TASOR2: variants seen among roughly 807,000 people sequenced by gnomAD.
TASOR2 encodes transcription activation suppressor family member 2, also known as protein TASOR 2.
In TASOR2, 84 loss-of-function variants were observed where a neutral mutation model predicts 199.5. That is an observed-to-expected ratio of 0.42 (90% CI 0.35 to 0.50). TASOR2 has a LOEUF of 0.50. TASOR2 is among the 20% of genes least tolerant of loss of function. The probability of loss-of-function intolerance (pLI) is 0.02; values close to 1 mark genes in which losing one functional copy is unlikely to be tolerated. For synonymous variants in TASOR2, 1,103 were observed against 1,046.6 expected, an observed-to-expected ratio of 1.05 and a Z score of -1.04; for missense variants, 2,796 against 2,835.9, an observed-to-expected ratio of 0.99 and a Z score of 0.32.
exon 19 of TASOR2, chr10:5,761,392 A>G (rs1376862677): frequency 2.5e-6 from 4 of 1,614,028 alleles, no homozygotes; most frequent in South Asian, 2.2e-5. Flanking sequence ...CTCGATCATC[A>G]ACAAAAGCAG....
chr10:5,720,679 A>T lies in TASOR2; in HGVS notation c.26+11A>T. The T allele has an allele frequency of 6.2e-7, 1 of 1,614,028 alleles. No individual in the cohort carries two copies. ...AGCTCATAAAAGCATGTAAGTAATT[A>T]TGTGCATGCTTTGTTTTACTGAATT... On this transcript the variant is annotated intron_variant, in intron 4 of 20. Transcript: ENST00000328090. This position sits in a 1 kb window ranked among gnomAD's most constrained non-coding sequence, Gnocchi z 5.3.
chr10:5,709,637 T>TCGAGA, intron 1 of TASOR2: 2 of 1,231,166 alleles, frequency 1.6e-6, no homozygotes, highest in Non-Finnish European at 2.0e-6. Context: ...TTAGAGAAGA[T>TCGAGA]CGAGACAGGG....
At chr10:5,695,621 T>C (rs1837059229) in intron 1 of TASOR2, among the ~76,000 whole-genome samples, 1 of 152,156 alleles carries the variant, frequency 6.6e-6, no homozygotes, top group South Asian at 2.1e-4. Flanking sequence ...TCTAACATGT[T>C]CAATTGTATA....
At chr10:5,731,226 G>A in intron 11 of TASOR2, 23 bp downstream of exon 12, 3 of 1,585,628 alleles carry the variant, frequency 1.9e-6, no homozygotes, top group South Asian at 1.1e-5. Context: ...TATTTATGTG[G>A]GTTATTATAA....
intron 10 of TASOR2, among the ~76,000 whole-genome samples, chr10:5,728,003 CT>C (rs1834274243): frequency 6.6e-6 from 1 of 151,970 alleles, no homozygotes; most frequent in Admixed American, 6.6e-5. Flanking sequence ...AGGTAGATTT[CT>C]TGAGTTCAGG....
chr10:5,723,374 T>C (rs921138573), intron 6 of TASOR2, among the ~76,000 whole-genome samples: 1 of 151,926 alleles, frequency 6.6e-6, no homozygotes, highest in Non-Finnish European at 1.5e-5. Context: ...ATAAATAGCA[T>C]AATTTTTTTT....
At chr10:5,712,393 GT>G (rs1318807956) in intron 1 of TASOR2, 2 of 1,231,358 alleles carry the variant, frequency 1.6e-6, no homozygotes, top group African/African-American at 3.1e-5. Flanking sequence ...GTGTTTTACA[GT>G]TTTTGAGACA....
In TASOR2 at chr10:5,759,173, T is replaced by A. The variant is rs76602369; in HGVS notation, c.6992+181T>A. Among the ~76,000 whole-genome samples the A allele has an allele frequency of 0.029, 4,418 of 152,268 alleles. 160 individuals carry two copies. The highest frequency in any genetic ancestry group is 0.079 in the African/African-American group (3,282 of 41,548). The stretch of plus-strand genomic sequence containing the variant: ...TGTGCTGTGACCGTAGCCAACAGTA[T>A]GAGGCATGTACTTATCTAGACTAAC... On this transcript the variant is annotated intron_variant, in intron 18 of 20. Transcript: ENST00000328090.
At chr10:5,746,347 A>G in exon 15 of TASOR2, 1 of 1,614,216 alleles carries the variant, frequency 6.2e-7, no homozygotes, top group South Asian at 1.1e-5. Flanking sequence ...TACTCAAGCC[A>G]CATTCACCAG....
intron 1 of TASOR2, among the ~76,000 whole-genome samples, chr10:5,688,829 C>G (rs1288439066): frequency 6.6e-6 from 1 of 151,580 alleles, no homozygotes; most frequent in Non-Finnish European, 1.5e-5. Context: ...CATAGTGAGA[C>G]CCCATCTTTA....
chr10:5,749,856 A>T (rs144652739), exon 15 of TASOR2: 8 of 1,614,112 alleles, frequency 5.0e-6, no homozygotes, highest in Non-Finnish European at 2.5e-6. Context: ...CCACTGCTCA[A>T]GAGATGTATC....
At chr10:5,756,514 C>T in intron 15 of TASOR2, 99 bp from the exon 17 acceptor site, 4 of 1,197,410 alleles carry the variant, frequency 3.3e-6, no homozygotes, top group Non-Finnish European at 3.4e-6. Context: ...TTATGGTTGC[C>T]TTATTAGACT....
At chr10:5,747,260 C>G (rs1485332438) in exon 15 of TASOR2, 1 of 1,614,174 alleles carries the variant, frequency 6.2e-7, no homozygotes, top group East Asian at 2.2e-5. Flanking sequence ...GAGGAAGATT[C>G]TGACATTGAC....
At chr10:5,694,853 G>T (rs1041157105) in intron 1 of TASOR2, among the ~76,000 whole-genome samples, 1 of 151,950 alleles carries the variant, frequency 6.6e-6, no homozygotes, top group Non-Finnish European at 1.5e-5. Context: ...TTTTTATTTT[G>T]ACCTATTAGT....
chr10:5,708,471 A>G (rs1454423493), intron 1 of TASOR2, among the ~76,000 whole-genome samples: 7 of 152,006 alleles, frequency 4.6e-5, no homozygotes, highest in Non-Finnish European at 5.9e-5. Context: ...TTATAGTACT[A>G]ATTTCTTTGC....
Position 5,750,012 on chromosome 10 carries a change from C to A in TASOR2, c.6591C>A (p.Phe2197Leu), listed in dbSNP as rs760347421. The A allele has an allele frequency of 6.3e-7, 1 of 1,598,362 alleles. No homozygotes were observed. Among genetic ancestry groups the A allele is most frequent in the South Asian group, 1.1e-5 (1 of 88,322 alleles). The change falls in exon 15 of 21, where the codon TTC (phenylalanine) becomes TTA (leucine). Residue 2197 changes from phenylalanine (F) to leucine (L), a missense_variant. This residue lies in a region of TASOR2 where 1,941 missense variants were observed against 1,924.9 expected (regional missense o/e 1.01). Transcript: ENST00000328090. This position sits in a 1 kb window ranked among gnomAD's most constrained non-coding sequence, Gnocchi z 5.4. ...TTGTCGAAACAGAAGACAAATCATT[C>A]TTTGTAAGAACAAAGGTAAAGTGCC...
At chr10:5,732,970 A>G (rs997376469) in intron 11 of TASOR2, among the ~76,000 whole-genome samples, 11 of 152,222 alleles carry the variant, frequency 7.2e-5, no homozygotes, top group African/African-American at 2.4e-4. Context: ...AGACTATACA[A>G]CTATCTGTAA....
chr10:5,724,500 T>C lies in TASOR2; in HGVS notation c.318T>C (p.Asp106=), dbSNP rs982009942. 6.6e-6 allele frequency: 10 copies of C among 1,512,932 alleles called. No individual in the cohort carries two copies. In the African/African-American group the frequency reaches 1.1e-4, roughly 17 times the overall value. 93.7% of individuals were successfully genotyped at this position (1,512,932 alleles called of 1,614,324 possible). ...CAAACAGACAAGGGGAAAATATAGATAAATTAACAGAATGTATTAAAAACA... is the reference window on the plus strand; with the variant it reads ...CAAACAGACAAGGGGAAAATATAGACAAATTAACAGAATGTATTAAAAACA... The change falls in exon 8 of 21, where the codon GAT becomes GAC. Residue 106 remains aspartate (D), a synonymous_variant. Transcript: ENST00000328090.
In TASOR2 at chr10:5,748,458, G is replaced by T. The variant is rs372757738; in HGVS notation, c.5037G>T (p.Val1679=). 2 of 1,614,164 alleles carry T rather than the reference G, an allele frequency of 1.2e-6. No homozygotes were observed. Among genetic ancestry groups the T allele is most frequent in the South Asian group, 2.2e-5 (2 of 91,086 alleles). The change falls in exon 15 of 21, where the codon GTG becomes GTT. Residue 1679 remains valine (V), a synonymous_variant. Transcript: ENST00000328090. This position sits in a 1 kb window ranked among gnomAD's most constrained non-coding sequence, Gnocchi z 5.1. Reference sequence around the variant, plus strand: ...TAAGACCAATAAATGCAGAGCCAGTGTTTCAAGCACAGGAAATACCAGCAG... The same window carrying T: ...TAAGACCAATAAATGCAGAGCCAGTTTTTCAAGCACAGGAAATACCAGCAG...
Sources: allele counts gnomAD v4.1 joint callset (sites outside exome capture counted in the v4.1 genomes callset), GRCh38; gene constraint gnomAD v4.1.1; regional missense constraint gnomAD v4.1.1; non-coding constraint Gnocchi (gnomAD v3.1); transcripts MANE v1.5; gene names NCBI Gene and HGNC (gene_info 2026-07-23, HGNC 2026-07-21).